Variants in SAMHD1 observed in about 807,000 individuals in gnomAD.
SAMHD1 encodes deoxynucleoside triphosphate triphosphohydrolase SAMHD1.
A neutral mutation model predicts 79.6 loss-of-function variants in SAMHD1; 54 were observed. That is an observed-to-expected ratio of 0.68 (90% CI 0.55 to 0.85). SAMHD1 has a LOEUF of 0.85. SAMHD1 is among the 40% of genes least tolerant of loss of function. The pLI is 0.00. For missense variants in SAMHD1, 663 were observed against 782.7 expected (o/e 0.85, Z 1.82); for synonymous variants, 260 against 264.1 (o/e 0.98, Z 0.15).
At position 36,910,000 on chromosome 20, in the gene SAMHD1, G is replaced by A. The variant is rs529744821; in HGVS notation, c.1270+1218C>T. Among the ~76,000 whole-genome samples, 256 of 151,946 alleles carry A rather than the reference G, an allele frequency of 1.7e-3. 1 individual carries two copies. The highest frequency in any genetic ancestry group is 6.0e-3 in the African/African-American group (248 of 41,394). On this transcript the variant is annotated intron_variant, in intron 11 of 15. Transcript: ENST00000646673. ...AGCACTTTCGGAGGCTGAGGCAGGC[G>A]GATCATGAGGTCAGGAGATCGAGAC...
Position 36,916,786 on chromosome 20 carries a change from C to A in SAMHD1, c.998G>T (p.Arg333Leu). The change falls in exon 9 of 16, where the codon CGC becomes CTC. Residue 333 changes from arginine to leucine, a missense_variant. Transcript: ENST00000646673. The part of the protein sequence containing the change: ...LGIQNNFDYK[R>L]FIKFARVCEV... ...ACAGACACGGGCAAACTTAATAAAG[C>A]GCTTGTAATCAAAATTATTTTGGAT... 2 of 1,614,016 alleles carry A rather than the reference C, an allele frequency of 1.2e-6. No individual in the cohort carries two copies. Among genetic ancestry groups the A allele is most frequent in the Non-Finnish European group, 1.7e-6 (2 of 1,179,978 alleles).
chr20:36,930,853 G>A lies in SAMHD1; in HGVS notation c.532C>T (p.Leu178=). 2 of 1,613,582 alleles carry A rather than the reference G, an allele frequency of 1.2e-6. No homozygotes were observed. The highest frequency in any genetic ancestry group is 1.7e-6 in the Non-Finnish European group (2 of 1,179,604). The change falls in exon 5 of 16, where the codon CTA becomes TTA. Residue 178 remains leucine, a synonymous_variant. Transcript: ENST00000646673. ...SLGVGYLAGC[L]VHALGEKQPE... Reference sequence around the variant, plus strand: ...TGTTTTTCACCCAGTGCGTGAACTAGACATCCTGCTAGATACCCCACCCTG... The same window carrying A: ...TGTTTTTCACCCAGTGCGTGAACTAAACATCCTGCTAGATACCCCACCCTG...
intron 9 of SAMHD1, among the ~76,000 whole-genome samples, chr20:36,916,269 A>G (rs903455366): frequency 6.6e-6 from 1 of 152,054 alleles, no homozygotes; most frequent in Admixed American, 6.6e-5. Context: ...TTGCCTGTTG[A>G]ATGGAATAAT....
chr20:36,911,531 C>T lies in SAMHD1; in HGVS notation c.1155-198G>A, dbSNP rs189538607. 575 of 563,826 alleles carry T rather than the reference C, an allele frequency of 1.0e-3. 4 individuals are homozygous for T. The highest frequency in any genetic ancestry group is 9.6e-3 in the African/African-American group (512 of 53,156). 34.9% of individuals were successfully genotyped at this position (563,826 alleles called of 1,614,324 possible). A position where few individuals can be genotyped will look rare whatever the true frequency, so the allele number is the denominator to read the frequency against. On this transcript the variant is annotated intron_variant, in intron 10 of 15. Coordinates refer to ENST00000646673, the MANE Select transcript of SAMHD1 (RefSeq NM_015474.4). ...ATGCTTACTGTGTTCCAGGCACTGTCGCAGGGCTTTGCATTCACCATCTTA... is the reference window on the plus strand; with the variant it reads ...ATGCTTACTGTGTTCCAGGCACTGTTGCAGGGCTTTGCATTCACCATCTTA...
intron 3 of SAMHD1, among the ~76,000 whole-genome samples, chr20:36,938,449 A>G (rs946082903): frequency 6.6e-6 from 1 of 151,844 alleles, no homozygotes; most frequent in Non-Finnish European, 1.5e-5. Flanking sequence ...CTGAGGCAGG[A>G]GAATTGCTTG....
chr20:36,929,588 TTAGCCAGGCGCTAC>T (rs2063556063), intron 5 of SAMHD1, among the ~76,000 whole-genome samples: 1 of 151,812 alleles, frequency 6.6e-6, no homozygotes, highest in Non-Finnish European at 1.5e-5. Flanking sequence ...TAGAAAAAAA[TTAGCCAGGCGCTAC>T]TCGGGAGGCT....
chr20:36,905,863 C>T (rs992025116), intron 11 of SAMHD1, among the ~76,000 whole-genome samples: 3 of 151,672 alleles, frequency 2.0e-5, no homozygotes, highest in Non-Finnish European at 2.9e-5. Context: ...ATCCCAGCTA[C>T]TCAGGAGGCT....
chr20:36,913,249 G>A (rs1465528777), intron 9 of SAMHD1, among the ~76,000 whole-genome samples: 5 of 150,406 alleles, frequency 3.3e-5, no homozygotes, highest in South Asian at 2.1e-4. Context: ...TGCCCGCCTC[G>A]GCCTCCCATA....
chr20:36,916,823 G>T lies in SAMHD1; in HGVS notation c.961C>A (p.His321Asn). Reference protein sequence around the residue: ...DKWDYFARDCHHLGIQNNFDY... With the variant: ...DKWDYFARDCNHLGIQNNFDY... The stretch of plus-strand genomic sequence containing the variant: ...AAATTATTTTGGATTCCAAGATGAT[G>T]GCAGTCCCTAGAAGGATTCCAAAAC... The change falls in exon 9 of 16, where the codon CAT becomes AAT. Residue 321 changes from histidine (H) to asparagine (N), a missense_variant. Physicochemically the swap from His to Asn is moderately conservative, Grantham distance 68. Transcript: ENST00000646673. The T allele has an allele frequency of 6.2e-7, 1 of 1,613,592 alleles. No homozygotes were observed. The highest frequency in any genetic ancestry group is 1.1e-5 in the South Asian group (1 of 91,074).
intron 3 of SAMHD1, 139 bp from the exon 4 acceptor site, chr20:36,935,328 T>G (rs966478885): frequency 4.2e-6 from 3 of 710,026 alleles, no homozygotes; most frequent in Non-Finnish European, 7.5e-6. Flanking sequence ...TGACAAGATG[T>G]TAACATCATT....
chr20:36,904,457 G>A (rs1469898635), intron 12 of SAMHD1: 20 of 519,054 alleles, frequency 3.9e-5, no homozygotes, highest in African/African-American at 1.5e-4. Context: ...AGTGGCTCAC[G>A]TCTATAATCC....
intron 5 of SAMHD1, among the ~76,000 whole-genome samples, chr20:36,928,831 T>C (rs949769636): frequency 6.6e-6 from 1 of 151,190 alleles, no homozygotes; most frequent in Non-Finnish European, 1.5e-5. Context: ...CTGAGGCGGG[T>C]GGATCACCTG....
At chr20:36,936,912 G>A (rs1034712934) in intron 3 of SAMHD1, among the ~76,000 whole-genome samples, 8 of 151,936 alleles carry the variant, frequency 5.3e-5, no homozygotes, top group East Asian at 1.9e-4. Context: ...AGGCCAAGGC[G>A]GGTGGATCAC....
intron 6 of SAMHD1, among the ~76,000 whole-genome samples, chr20:36,921,764 C>A (rs1478508138): frequency 6.6e-6 from 1 of 151,386 alleles, no homozygotes; most frequent in East Asian, 1.9e-4. Context: ...TCTTGGCTCA[C>A]TGCAACCTCC....
intron 3 of SAMHD1, chr20:36,940,446 C>T (rs1035776049): frequency 7.1e-5 from 11 of 154,258 alleles, no homozygotes; most frequent in African/African-American, 2.4e-4. Context: ...CATCTGTAAT[C>T]TTAGCACTTT....
intron 11 of SAMHD1, among the ~76,000 whole-genome samples, chr20:36,910,084 G>T (rs2063428240): frequency 6.6e-6 from 1 of 151,702 alleles, no homozygotes; most frequent in Non-Finnish European, 1.5e-5. Context: ...TTAGCCAGGT[G>T]TGGTGGCGGG....
chr20:36,908,770 T>C (rs1282669762), intron 11 of SAMHD1, among the ~76,000 whole-genome samples: 2 of 152,088 alleles, frequency 1.3e-5, no homozygotes, highest in Non-Finnish European at 2.9e-5. Context: ...ATTCTGTCAG[T>C]GTGCAGCAAA....
At chr20:36,946,524 T>C (rs1381178092) in intron 2 of SAMHD1, 2 of 491,414 alleles carry the variant, frequency 4.1e-6, no homozygotes, top group East Asian at 3.7e-5. Flanking sequence ...GAGGCAGAGG[T>C]TGCAGTGAGC....
At chr20:36,914,178 G>A (rs2063461623) in intron 9 of SAMHD1, among the ~76,000 whole-genome samples, 1 of 151,976 alleles carries the variant, frequency 6.6e-6, no homozygotes, top group African/African-American at 2.4e-5. Flanking sequence ...TTTGAACTGT[G>A]AGAGTTCACT....
Sources: gnomAD v4.1 joint callset for allele counts (sites outside exome capture counted in the v4.1 genomes callset) on GRCh38, gnomAD v4.1.1 for gene constraint, MANE v1.5 for transcripts, NCBI Gene and HGNC (gene_info 2026-07-23, HGNC 2026-07-21) for gene names.